GLIS1: variants seen among roughly 807,000 people sequenced by gnomAD.
The protein encoded by GLIS1 is GLIS family zinc finger 1, also known as zinc finger protein GLIS1.
A neutral mutation model predicts 63.8 loss-of-function variants in GLIS1; 24 were observed. That is an observed-to-expected ratio of 0.38 (90% confidence interval 0.27 to 0.53). The LOEUF (loss-of-function observed/expected upper bound fraction) is 0.53. Among genes scored for constraint, GLIS1 ranks in the 20% least tolerant of loss-of-function variants. GLIS1 has a pLI of 0.85. For missense variants in GLIS1, 1,036 were observed against 1,074.1 expected (o/e 0.96, Z 0.50); for synonymous variants, 450 against 482.5 (o/e 0.93, Z 0.88).
intron 4 of GLIS1, among the ~76,000 whole-genome samples, chr1:53,548,369 T>C (rs1015331625): frequency 1.3e-5 from 2 of 152,308 alleles, no homozygotes; most frequent in South Asian, 4.1e-4. Context: ...GGTATTCCCG[T>C]GTCCACCATG....
At chr1:53,682,686 T>C (rs772127090) in intron 2 of GLIS1, among the ~76,000 whole-genome samples, 1 of 152,152 alleles carries the variant, frequency 6.6e-6, no homozygotes, top group Non-Finnish European at 1.5e-5. Context: ...TCACCATTGG[T>C]TAATCTAGGA....
chr1:53,554,201 G>A (rs572307783), intron 4 of GLIS1, among the ~76,000 whole-genome samples: 22 of 152,286 alleles, frequency 1.4e-4, no homozygotes, highest in African/African-American at 5.1e-4. Flanking sequence ...TCTCATCTAA[G>A]CATCCCCCAA....
chr1:53,623,531 TCTTAGC>T (rs1277676757), intron 2 of GLIS1, among the ~76,000 whole-genome samples: 3 of 152,180 alleles, frequency 2.0e-5, no homozygotes, highest in Non-Finnish European at 4.4e-5. Context: ...TTATTAGATG[TCTTAGC>T]TAGTGCAGTT....
intron 2 of GLIS1, among the ~76,000 whole-genome samples, chr1:53,616,319 C>G (rs192309160): frequency 2.0e-5 from 3 of 152,128 alleles, no homozygotes; most frequent in African/African-American, 7.2e-5. Flanking sequence ...CTGTTGAAAT[C>G]GCTAAGAAAA....
intron 7 of GLIS1, 84 bp from the exon 8 acceptor site, chr1:53,514,865 T>C: frequency 7.0e-7 from 1 of 1,420,528 alleles, no homozygotes; most frequent in Non-Finnish European, 9.4e-7. Context: ...GTGTGCCTGA[T>C]GATGGAGAAA....
chr1:53,693,900 G>C (rs1049217188), intron 2 of GLIS1, among the ~76,000 whole-genome samples: 1 of 152,254 alleles, frequency 6.6e-6, no homozygotes, highest in African/African-American at 2.4e-5. Flanking sequence ...TTGGGAAACA[G>C]GAAACATGAC....
chr1:53,508,987 C>T, intron 10 of GLIS1, 133 bp downstream of exon 10: 2 of 874,484 alleles, frequency 2.3e-6, no homozygotes, highest in South Asian at 2.0e-5. Flanking sequence ...GCCTCTACTT[C>T]CCCCTCTGTA....
At chr1:53,673,287 G>A (rs2100402812) in intron 2 of GLIS1, among the ~76,000 whole-genome samples, 1 of 152,342 alleles carries the variant, frequency 6.6e-6, no homozygotes, top group Non-Finnish European at 1.5e-5. Context: ...CTCTGAAAGG[G>A]CCTAGATTAC....
chr1:53,687,559 C>A (rs1348682210), intron 2 of GLIS1, among the ~76,000 whole-genome samples: 6 of 152,266 alleles, frequency 3.9e-5, no homozygotes, highest in Admixed American at 3.9e-4. Context: ...TGAAGGGCCC[C>A]CTGCTGTCGG....
intron 2 of GLIS1, among the ~76,000 whole-genome samples, chr1:53,656,866 G>C (rs745688736): frequency 5.3e-5 from 8 of 152,236 alleles, no homozygotes; most frequent in Non-Finnish European, 1.0e-4. Flanking sequence ...TAGGGGCAGA[G>C]GCATGCCGCC....
intron 2 of GLIS1, among the ~76,000 whole-genome samples, chr1:53,604,140 G>C (rs1645346510): frequency 6.6e-6 from 1 of 152,244 alleles, no homozygotes; most frequent in South Asian, 2.1e-4. Flanking sequence ...TGCTTAAAAA[G>C]TAATGTGATG....
chr1:53,545,090 T>C (rs1298222960), intron 4 of GLIS1, among the ~76,000 whole-genome samples: 2 of 152,210 alleles, frequency 1.3e-5, no homozygotes, highest in African/African-American at 4.8e-5. Context: ...TCAAGAGTCA[T>C]CCAGACCTGG....
intron 2 of GLIS1, among the ~76,000 whole-genome samples, chr1:53,626,196 C>CA (rs1645592284): frequency 6.6e-6 from 1 of 152,182 alleles, no homozygotes; most frequent in African/African-American, 2.4e-5. Context: ...AGAACCTGGC[C>CA]AAATAGTGAA....
At chr1:53,542,813 A>G in intron 4 of GLIS1, among the ~76,000 whole-genome samples, 1 of 152,216 alleles carries the variant, frequency 6.6e-6, no homozygotes, top group East Asian at 1.9e-4. Context: ...AGCAAGGCCC[A>G]GGCTACCTGG....
chr1:53,563,034 T>C (rs1644906668), intron 4 of GLIS1, among the ~76,000 whole-genome samples: 1 of 152,220 alleles, frequency 6.6e-6, no homozygotes, highest in Non-Finnish European at 1.5e-5. Flanking sequence ...TTCTGTCACA[T>C]TGCTTGGGTT....
chr1:53,737,903 T>C lies in GLIS1; in HGVS notation c.162A>G (p.Leu54=). The C allele has an allele frequency of 8.1e-7, 1 of 1,230,426 alleles. No homozygotes were observed. The allele number at this position is 1,230,426 out of a possible 1,614,324, so 76.2% of individuals were successfully genotyped here. Residue 54 remains leucine, a synonymous_variant, in exon 2 of 11, where the codon CTA becomes CTG. Transcript: ENST00000628545. ...GCGDRGPRDL[L]ARPPAPPPRA... ...GCGGTGGCGGCGCAGGCGGCCGGGC[T>C]AGCAGGTCCCGCGGGCCCCTGTCCC...
At chr1:53,700,062 C>A (rs2100489947) in intron 2 of GLIS1, among the ~76,000 whole-genome samples, 1 of 152,342 alleles carries the variant, frequency 6.6e-6, no homozygotes, top group South Asian at 2.1e-4. Flanking sequence ...AAAGCCAGGA[C>A]TCTGAGCTGG....
chr1:53,557,106 T>C (rs1476500060), intron 4 of GLIS1, among the ~76,000 whole-genome samples: 1 of 151,986 alleles, frequency 6.6e-6, no homozygotes, highest in African/African-American at 2.4e-5. Context: ...TCAAGGTGTG[T>C]GCATGGGACA....
intron 2 of GLIS1, among the ~76,000 whole-genome samples, chr1:53,655,962 T>C (rs1405644096): frequency 6.6e-6 from 1 of 152,142 alleles, no homozygotes; most frequent in Non-Finnish European, 1.5e-5. Flanking sequence ...AGATCCCAGA[T>C]AGAATTAGAG....
Sources: allele counts gnomAD v4.1 joint callset (sites outside exome capture counted in the v4.1 genomes callset), GRCh38; gene constraint gnomAD v4.1.1; transcripts MANE v1.5; gene names NCBI Gene and HGNC (gene_info 2026-07-23, HGNC 2026-07-21).